The following ZNRF3 variants were observed in gnomAD, a reference collection of about 807,000 sequenced individuals.
ZNRF3 encodes the protein zinc and ring finger 3.
A neutral mutation model predicts 72.5 loss-of-function variants in ZNRF3; 23 were observed. That is an observed-to-expected ratio of 0.32 (90% CI 0.23 to 0.45). The LOEUF (loss-of-function observed/expected upper bound fraction) is 0.45, where lower values mean the gene tolerates loss of function less well. Among genes scored for constraint, ZNRF3 ranks in the 20% least tolerant of loss-of-function variants. The probability of loss-of-function intolerance (pLI) is 1.00; values close to 1 mark genes in which losing one functional copy is unlikely to be tolerated. For synonymous variants in ZNRF3, 610 were observed against 545.3 expected, an observed-to-expected ratio of 1.12 and a Z score of -1.65; for missense variants, 1,169 against 1,272.1, an observed-to-expected ratio of 0.92 and a Z score of 1.23.
At chr22:29,032,327 G>C (rs998463144) in intron 2 of ZNRF3, among the ~76,000 whole-genome samples, 2 of 152,200 alleles carry the variant, frequency 1.3e-5, no homozygotes, top group African/African-American at 2.4e-5. Flanking sequence ...CACTGCAAGT[G>C]GTTGGGCTTG....
At chr22:28,984,535 A>G (rs1052541046) in intron 1 of ZNRF3, among the ~76,000 whole-genome samples, 1 of 152,222 alleles carries the variant, frequency 6.6e-6, no homozygotes. Context: ...TGTATAAGTA[A>G]CCAAAAGCAG....
At chr22:28,903,514 T>G (rs1472642560) in intron 1 of ZNRF3, among the ~76,000 whole-genome samples, 1 of 152,166 alleles carries the variant, frequency 6.6e-6, no homozygotes, top group Non-Finnish European at 1.5e-5. Flanking sequence ...CCCCCCAAAT[T>G]AGACACATTG....
chr22:28,912,427 T>A (rs2034334331), intron 1 of ZNRF3, among the ~76,000 whole-genome samples: 1 of 152,174 alleles, frequency 6.6e-6, no homozygotes, highest in African/African-American at 2.4e-5. Context: ...ATCTCTTATC[T>A]TTTAGCTATG....
intron 1 of ZNRF3, 91 bp downstream of exon 1, chr22:28,884,157 T>TGGCG (rs1231973797): frequency 1.9e-5 from 18 of 958,332 alleles, no homozygotes; most frequent in African/African-American, 3.6e-5. Flanking sequence ...GCTGCCTGAC[T>TGGCG]GGCGGGCGGG....
intron 1 of ZNRF3, among the ~76,000 whole-genome samples, chr22:28,884,631 C>T (rs1045363656): frequency 3.9e-5 from 6 of 152,084 alleles, no homozygotes; most frequent in Non-Finnish European, 8.8e-5. Context: ...CGGAGCTGGT[C>T]GAGGAGTGGG....
At chr22:28,910,797 T>G (rs2034302199) in intron 1 of ZNRF3, among the ~76,000 whole-genome samples, 1 of 152,178 alleles carries the variant, frequency 6.6e-6, no homozygotes, top group African/African-American at 2.4e-5. Context: ...GGGGTGGACC[T>G]CCAGCTGGAC....
chr22:29,012,617 C>T (rs1569280919), intron 2 of ZNRF3, among the ~76,000 whole-genome samples: 1 of 152,234 alleles, frequency 6.6e-6, no homozygotes, highest in African/African-American at 2.4e-5. Flanking sequence ...TACCTTTCAG[C>T]ATCCTTTACA....
chr22:28,987,970 A>C (rs1211604839), intron 2 of ZNRF3, among the ~76,000 whole-genome samples: 1 of 152,172 alleles, frequency 6.6e-6, no homozygotes, highest in Non-Finnish European at 1.5e-5. Flanking sequence ...CTCCATTTAG[A>C]AGTACTAAAA....
chr22:29,053,499 CA>C, intron 8 of ZNRF3, 79 bp from the exon 9 acceptor site: 1 of 1,424,122 alleles, frequency 7.0e-7, no homozygotes, highest in South Asian at 1.2e-5. Flanking sequence ...ATGCTGGGGA[CA>C]GGGCCACCTG....
intron 2 of ZNRF3, among the ~76,000 whole-genome samples, chr22:29,028,845 G>A (rs1432893323): frequency 1.3e-5 from 2 of 152,188 alleles, no homozygotes; most frequent in Non-Finnish European, 2.9e-5. Context: ...GACCAAGCAG[G>A]GGGGCCGTGC....
chr22:29,035,268 A>G (rs969208876), intron 2 of ZNRF3, among the ~76,000 whole-genome samples: 1 of 152,200 alleles, frequency 6.6e-6, no homozygotes, highest in African/African-American at 2.4e-5. Flanking sequence ...TAGGACATCT[A>G]TACCCTTTGA....
At chr22:28,967,847 C>T (rs1250584182) in intron 1 of ZNRF3, among the ~76,000 whole-genome samples, 6 of 151,372 alleles carry the variant, frequency 4.0e-5, no homozygotes, top group Admixed American at 4.0e-4. Flanking sequence ...ATCGCTTGAG[C>T]CCAGGGGGGT....
At chr22:28,997,841 C>CA (rs1465559410) in intron 2 of ZNRF3, among the ~76,000 whole-genome samples, 2 of 150,462 alleles carry the variant, frequency 1.3e-5, no homozygotes, top group Non-Finnish European at 3.0e-5. Context: ...CTCATTTCAA[C>CA]AAAAAAACAA....
chr22:28,985,459 G>T (rs2035840746), intron 1 of ZNRF3, among the ~76,000 whole-genome samples: 1 of 152,162 alleles, frequency 6.6e-6, no homozygotes, highest in Admixed American at 6.5e-5. Context: ...GCTGCGCAAA[G>T]CCTCCCCAAA....
At chr22:28,895,074 T>C (rs539025305) in intron 1 of ZNRF3, among the ~76,000 whole-genome samples, 8 of 152,284 alleles carry the variant, frequency 5.3e-5, no homozygotes, top group South Asian at 4.1e-4. Flanking sequence ...GGCCATCCTT[T>C]CTGTCTCTGG....
At chr22:29,031,293 G>A (rs887738403) in intron 2 of ZNRF3, 1 of 152,124 alleles carries the variant, frequency 6.6e-6, no homozygotes, top group African/African-American at 2.4e-5. Flanking sequence ...AGAACCACAG[G>A]TGATTCCCCC....
At chr22:28,956,972 A>G (rs1362146897) in intron 1 of ZNRF3, among the ~76,000 whole-genome samples, 1 of 152,192 alleles carries the variant, frequency 6.6e-6, no homozygotes, top group Non-Finnish European at 1.5e-5. Flanking sequence ...GGCCTAGCAT[A>G]TCTTGATTTG....
At chr22:28,968,802 A>G (rs1003607089) in intron 1 of ZNRF3, among the ~76,000 whole-genome samples, 14 of 151,936 alleles carry the variant, frequency 9.2e-5, no homozygotes, top group African/African-American at 3.4e-4. Context: ...TGTCTTCTTG[A>G]GTTAGTTTTC....
rs751373750 is a variant in ZNRF3, at chr22:29,046,844, C to T, written c.873C>T (p.Ser291=). 1.7e-5 allele frequency: 28 copies of T among 1,606,566 alleles called. No individual in the cohort carries two copies. Among genetic ancestry groups the T allele is most frequent in the South Asian group, 1.2e-4 (11 of 89,132 alleles). The change falls in exon 6 of 9, where the codon TCC becomes TCT. Residue 291 remains serine, a synonymous_variant. Transcript: ENST00000544604. ...ALDTLSSSST[S]DCAICLEKYI... ...ACACACTCAGCAGCAGCTCCACGTC[C>T]GACTGTGCCATCTGTCTGGAGAAGT...
Sources: allele counts gnomAD v4.1 joint callset (sites outside exome capture counted in the v4.1 genomes callset), GRCh38; gene constraint gnomAD v4.1.1; transcripts MANE v1.5; gene names NCBI Gene and HGNC (gene_info 2026-07-23, HGNC 2026-07-21).